Variants in RFX6 observed in about 807,000 individuals in gnomAD.
RFX6 encodes regulatory factor X6.
In RFX6, 50 loss-of-function variants were observed where a neutral mutation model predicts 110.8. The observed-to-expected ratio is 0.45, with a 90% CI of 0.36 to 0.57. The LOEUF is 0.57. Among genes scored for constraint, RFX6 ranks in the 20% least tolerant of loss-of-function variants. The pLI is 0.00. For synonymous variants in RFX6, 383 were observed against 411.2 expected, an observed-to-expected ratio of 0.93 and a Z score of 0.83; for missense variants, 990 against 1,127.0, an observed-to-expected ratio of 0.88 and a Z score of 1.74.
intron 4 of RFX6, among the ~76,000 whole-genome samples, chr6:116,887,803 G>A (rs111846449): frequency 1.2e-4 from 19 of 152,234 alleles, no homozygotes; most frequent in African/African-American, 2.6e-4. Flanking sequence ...TGAGGGTCCC[G>A]TTGCTAACTA....
At chr6:116,928,654 A>C in intron 17 of RFX6, 105 bp from the exon 18 acceptor site, 1 of 776,454 alleles carries the variant, frequency 1.3e-6, no homozygotes. Flanking sequence ...TAATACTTAC[A>C]GTTTGATATC....
intron 6 of RFX6, among the ~76,000 whole-genome samples, chr6:116,897,994 A>G (rs956094961): frequency 6.6e-6 from 1 of 152,154 alleles, no homozygotes; most frequent in African/African-American, 2.4e-5. Context: ...GGTTACCAAA[A>G]AAAAGTTGTG....
chr6:116,904,447 A>T (rs1440188158), intron 6 of RFX6, among the ~76,000 whole-genome samples: 7 of 152,118 alleles, frequency 4.6e-5, no homozygotes, highest in African/African-American at 1.7e-4. Flanking sequence ...TTACTTTGAA[A>T]GCATAAAGTT....
chr6:116,880,547 T>A lies in RFX6; in HGVS notation c.384T>A (p.Leu128=). 6.2e-7 allele frequency: 1 copy of A among 1,612,630 alleles called. No individual in the cohort carries two copies. The highest frequency in any genetic ancestry group is 1.1e-5 in the South Asian group (1 of 90,972). The change falls in exon 3 of 19, where the codon CTT becomes CTA. Residue 128 remains leucine (L), a synonymous_variant. Coordinates refer to ENST00000332958, the MANE Select transcript of RFX6 (RefSeq NM_173560.4). The part of the protein sequence containing the change: ...KKQTQLTLQW[L]EENYIVCEGV... ...AATTTTTGTTCCTTTTTCTTAGGCT[T>A]GAAGAGAATTACATTGTATGTGAAG... is the stretch of plus-strand genomic sequence containing the variant.
intron 4 of RFX6, among the ~76,000 whole-genome samples, chr6:116,888,207 A>C (rs1774742160): frequency 6.6e-6 from 1 of 152,226 alleles, no homozygotes; most frequent in Admixed American, 6.5e-5. Context: ...TTCTATATAA[A>C]GACTGAAATG....
chr6:116,927,492 G>A lies in RFX6; in HGVS notation c.2351G>A (p.Gly784Glu), dbSNP rs868856671. 2 of 1,614,016 alleles carry A rather than the reference G, an allele frequency of 1.2e-6. No homozygotes were observed. The highest frequency in any genetic ancestry group is 1.7e-6 in the Non-Finnish European group (2 of 1,180,010). The change falls in exon 17 of 19, where the codon GGA (glycine) becomes GAA (glutamate). Residue 784 changes from glycine (G) to glutamate (E), a missense_variant. Around this residue, in one of 5 missense-constraint regions of RFX6, gnomAD observed 438 missense variants for 441.9 expected, o/e 0.99. Coordinates refer to ENST00000332958, the MANE Select transcript of RFX6 (RefSeq NM_173560.4). ...AGCTTCAATTTCTTGAGCAACACAG[G>A]AGCTGCCAGCTGCCAAGGAGCAACA... ...TGSFNFLSNTGAASCQGATLP... is the reference protein window; with the variant it reads ...TGSFNFLSNTEAASCQGATLP...
chr6:116,924,697 C>A lies in RFX6; in HGVS notation c.1584C>A (p.Leu528=). ...CTTTTCATTTGATTCGAATGCTTCT[C>A]GATGAATACATTCTCCTGGCCATGG... ...FGSFHLIRML[L]DEYILLAMET... The change falls in exon 15 of 19, where the codon CTC becomes CTA. Residue 528 remains leucine, a synonymous_variant. Transcript: ENST00000332958. 7 of 1,608,150 alleles carry A rather than the reference C, an allele frequency of 4.4e-6. No individual in the cohort carries two copies. The highest frequency in any genetic ancestry group is 6.0e-6 in the Non-Finnish European group (7 of 1,174,668).
intron 18 of RFX6, 42 bp from the exon 19 acceptor site, chr6:116,931,289 T>A (rs771434806): frequency 3.0e-5 from 44 of 1,460,732 alleles, no homozygotes; most frequent in African/African-American, 5.6e-5. Flanking sequence ...GAAAAGAAAA[T>A]GTCAATCAAT....
At chr6:116,906,477 C>T (rs1775204544) in intron 6 of RFX6, among the ~76,000 whole-genome samples, 1 of 152,050 alleles carries the variant, frequency 6.6e-6, no homozygotes, top group African/African-American at 2.4e-5. Context: ...AATATTAATT[C>T]TTCTAATCCA....
chr6:116,888,664 T>C (rs1025750213), intron 4 of RFX6, among the ~76,000 whole-genome samples: 1 of 152,184 alleles, frequency 6.6e-6, no homozygotes, highest in African/African-American at 2.4e-5. Context: ...CATCAGGTAG[T>C]GTTATATAAA....
At position 116,931,488 on chromosome 6, in the gene RFX6, A is replaced by G; in HGVS notation, c.2769A>G (p.Thr923=). The G allele has an allele frequency of 6.2e-7, 1 of 1,613,444 alleles. No individual in the cohort carries two copies. The highest frequency in any genetic ancestry group is 8.5e-7 in the Non-Finnish European group (1 of 1,179,494). ...LPPINTVFMG[T]AAGGT ...CTATCAACACTGTGTTCATGGGAAC[A>G]GCAGCTGGAGGCACTTAAACCACCA... The change falls in exon 19 of 19, where the codon ACA becomes ACG. Residue 923 remains threonine (T), a synonymous_variant. Transcript: ENST00000332958.
Position 116,931,346 on chromosome 6 carries a change from C to A in RFX6, c.2627C>A (p.Thr876Asn). The A allele has an allele frequency of 6.2e-7, 1 of 1,612,550 alleles. No homozygotes were observed. Among genetic ancestry groups the A allele is most frequent in the Non-Finnish European group, 8.5e-7 (1 of 1,178,670 alleles). ...TCCCTTACAGCTTCCAGTTTGCAAACCCCAATTCCTTCTTCCTCATCCCAA... is the reference window on the plus strand; with the variant it reads ...TCCCTTACAGCTTCCAGTTTGCAAAACCCAATTCCTTCTTCCTCATCCCAA... ...RTPVLASSLQ[T>N]PIPSSSSQCM... The change falls in exon 19 of 19, where the codon ACC becomes AAC. Residue 876 changes from threonine to asparagine, a missense_variant. Thr to Asn is a moderately conservative substitution (Grantham distance 65). Coordinates refer to ENST00000332958, the MANE Select transcript of RFX6 (RefSeq NM_173560.4).
Position 116,916,186 on chromosome 6 carries a change from T to C in RFX6, c.859-15T>C, listed in dbSNP as rs771829595. Reference sequence around the variant, plus strand: ...AAAGAAAAAAATCTTAACATACTTTTTACTCTGCAACTAGATCCAGCATTT... The same window carrying C: ...AAAGAAAAAAATCTTAACATACTTTCTACTCTGCAACTAGATCCAGCATTT... On this transcript the variant is annotated splice_polypyrimidine_tract_variant and intron_variant, in intron 8 of 18. Coordinates refer to ENST00000332958, the MANE Select transcript of RFX6 (RefSeq NM_173560.4). 3 of 1,600,094 alleles carry C rather than the reference T, an allele frequency of 1.9e-6. No homozygotes were observed. The South Asian group carries it at 3.3e-5, about 18-fold the overall frequency.
intron 3 of RFX6, among the ~76,000 whole-genome samples, chr6:116,881,454 A>G (rs1411109894): frequency 6.6e-6 from 1 of 152,092 alleles, no homozygotes; most frequent in Admixed American, 6.5e-5. Context: ...ACTACAGTCC[A>G]GCTTCTCATT....
chr6:116,926,788 G>A (rs990410474), intron 16 of RFX6, among the ~76,000 whole-genome samples: 50 of 152,258 alleles, frequency 3.3e-4, no homozygotes, highest in African/African-American at 1.1e-3. Flanking sequence ...TGAAGCCATC[G>A]CAGACTTTCC....
At chr6:116,879,898 A>G (rs1302398403) in intron 2 of RFX6, among the ~76,000 whole-genome samples, 1 of 152,006 alleles carries the variant, frequency 6.6e-6, no homozygotes, top group Non-Finnish European at 1.5e-5. Context: ...TTGAAGGTAT[A>G]TATGTTATGT....
At chr6:116,889,882 C>A (rs1774782615) in intron 4 of RFX6, among the ~76,000 whole-genome samples, 1 of 152,012 alleles carries the variant, frequency 6.6e-6, no homozygotes, top group Non-Finnish European at 1.5e-5. Flanking sequence ...GTTATTCATT[C>A]ATTTATCTAA....
At chr6:116,897,936 T>C (rs1774985588) in intron 6 of RFX6, among the ~76,000 whole-genome samples, 1 of 152,072 alleles carries the variant, frequency 6.6e-6, no homozygotes, top group Non-Finnish European at 1.5e-5. Flanking sequence ...ATTGAAGCCA[T>C]GGTAATGGAT....
Position 116,916,036 on chromosome 6 carries a change from C to T in RFX6, c.809C>T (p.Thr270Ile). The change falls in exon 8 of 19, where the codon ACT (threonine) becomes ATT (isoleucine). Residue 270 changes from threonine (T) to isoleucine (I), a missense_variant. By Grantham distance (89) the Thr-to-Ile change is moderately conservative. Transcript: ENST00000332958. ...GATACGCTCATAATGATGTACAAAACTCACTGCCAGTGTATCCTGGACAAT... is the reference window on the plus strand; with the variant it reads ...GATACGCTCATAATGATGTACAAAATTCACTGCCAGTGTATCCTGGACAAT... ...KVDTLIMMYK[T>I]HCQCILDNAI... The T allele has an allele frequency of 6.2e-7, 1 of 1,611,934 alleles. No homozygotes were observed. The highest frequency in any genetic ancestry group is 1.3e-5 in the African/African-American group (1 of 74,952).
Sources: gnomAD v4.1 joint callset for allele counts (sites outside exome capture counted in the v4.1 genomes callset) on GRCh38, gnomAD v4.1.1 for gene constraint, gnomAD v4.1.1 regional missense constraint, MANE v1.5 for transcripts, NCBI Gene and HGNC (gene_info 2026-07-23, HGNC 2026-07-21) for gene names.